MAP7D1: variants seen among roughly 807,000 people sequenced by gnomAD.
The protein encoded by MAP7D1 is MAP7 domain containing 1, also known as MAP7 domain-containing protein 1.
Under a neutral mutation model 97.5 loss-of-function variants are expected in MAP7D1, and 30 were observed. The ratio of observed to expected loss-of-function variants is 0.31; its 90% CI spans 0.23 to 0.42. The LOEUF (loss-of-function observed/expected upper bound fraction) is 0.42, where lower values mean the gene tolerates loss of function less well. MAP7D1 is among the 10% of genes least tolerant of loss of function. MAP7D1 has a pLI of 1.00. For synonymous variants in MAP7D1, 536 were observed against 477.1 expected, an observed-to-expected ratio of 1.12 and a Z score of -1.61; for missense variants, 1,184 against 1,179.5, an observed-to-expected ratio of 1.00 and a Z score of -0.06.
chr1:36,157,543 TTC>T (rs1644353648), intron 1 of MAP7D1, among the ~76,000 whole-genome samples: 1 of 152,134 alleles, frequency 6.6e-6, no homozygotes, highest in Non-Finnish European at 1.5e-5. Flanking sequence ...GGGAGGCGAT[TTC>T]TCTTTCTTCC....
At position 36,173,473 on chromosome 1, in the gene MAP7D1, A is replaced by G. The variant is rs1363269302; in HGVS notation, c.734A>G (p.Lys245Arg). 2 of 1,607,484 alleles carry G rather than the reference A, an allele frequency of 1.2e-6. No individual in the cohort carries two copies. The highest frequency in any genetic ancestry group is 2.7e-5 in the African/African-American group (2 of 74,682). The part of the protein sequence containing the change: ...GALHHSSPGH[K>R]TSGSRCSVSA... ...CTGCACCACAGCTCTCCAGGACATA[A>G]GACCAGTGAGTAGGCTGGAGGGGCT... Residue 245 changes from lysine to arginine, a missense_variant, in exon 5 of 17, where the codon AAG becomes AGG. Coordinates refer to ENST00000474796, the MANE Select transcript of MAP7D1 (RefSeq NM_001388490.1).
chr1:36,178,235 C>T, intron 9 of MAP7D1, 34 bp downstream of exon 9: 1 of 1,504,764 alleles, frequency 6.6e-7, no homozygotes, highest in South Asian at 1.3e-5. Context: ...GTGGGCCGAG[C>T]GAGAGAAGCC....
chr1:36,176,304 G>A lies in MAP7D1; in HGVS notation c.956G>A (p.Arg319His), dbSNP rs771760671. The change falls in exon 7 of 17, where the codon CGC becomes CAC. Residue 319 changes from arginine to histidine, a missense_variant. Transcript: ENST00000474796. The surrounding 1 kb of genome is among the most constrained non-coding windows in gnomAD (Gnocchi z 6.1). ...ARSRSAVTLP[R>H]NGRDQGRGCD... ...AGTCGCAGCGCGGTCACACTGCCCC[G>A]CAACGGCCGGGACCAGGGTAGGGGC... 7 of 1,568,528 alleles carry A rather than the reference G, an allele frequency of 4.5e-6. No individual in the cohort carries two copies. Among genetic ancestry groups the A allele is most frequent in the African/African-American group, 2.7e-5 (2 of 73,446 alleles).
chr1:36,166,864 G>T (rs991916842), intron 1 of MAP7D1, among the ~76,000 whole-genome samples: 1 of 152,180 alleles, frequency 6.6e-6, no homozygotes, highest in Non-Finnish European at 1.5e-5. Flanking sequence ...GAAGATAAAG[G>T]CAGAAGGATT....
intron 5 of MAP7D1, among the ~76,000 whole-genome samples, chr1:36,174,299 G>C (rs1644587196): frequency 1.3e-5 from 2 of 152,234 alleles, no homozygotes; most frequent in African/African-American, 4.8e-5. Context: ...GCTTCGATCT[G>C]TTTGTGGCTT....
At position 36,159,928 on chromosome 1, in the gene MAP7D1, T is replaced by TA. The variant is rs1455116862; in HGVS notation, c.46+3467dup. Among the ~76,000 whole-genome samples, 1 of 152,152 alleles carries TA rather than the reference T, an allele frequency of 6.6e-6. No individual in the cohort carries two copies. The highest frequency in any genetic ancestry group is 1.5e-5 in the Non-Finnish European group (1 of 68,016). On this transcript the variant is annotated intron_variant, in intron 1 of 16. Transcript: ENST00000474796. The surrounding 1 kb of genome is among the most constrained non-coding windows in gnomAD (Gnocchi z 5.4). ...CTGGTGGGCCCAATAATGAGGCCTC[T>TA]AATGAGCCCCTAATGTGCAGTCACG...
At chr1:36,158,703 A>T (rs1337612252) in intron 1 of MAP7D1, among the ~76,000 whole-genome samples, 2 of 152,202 alleles carry the variant, frequency 1.3e-5, no homozygotes, top group Non-Finnish European at 2.9e-5. Context: ...CCTGCAATAA[A>T]GTGTTATTAC....
chr1:36,176,473 C>T lies in MAP7D1; in HGVS notation c.1125C>T (p.Val375=). The change falls in exon 7 of 17, where the codon GTC becomes GTT. Residue 375 remains valine, a synonymous_variant. Coordinates refer to ENST00000474796, the MANE Select transcript of MAP7D1 (RefSeq NM_001388490.1). This position sits in a 1 kb window ranked among gnomAD's most constrained non-coding sequence, Gnocchi z 6.1. ...CCAGCCCCCTGACGCCGTGCAGCGTCACCCGAAGCGTGCACCGCTGCGCCC... is the reference window on the plus strand; with the variant it reads ...CCAGCCCCCTGACGCCGTGCAGCGTTACCCGAAGCGTGCACCGCTGCGCCC... The part of the protein sequence containing the change: ...ASASPLTPCS[V]TRSVHRCAPA... 1 of 1,470,528 alleles carries T rather than the reference C, an allele frequency of 6.8e-7. No homozygotes were observed. Among genetic ancestry groups the T allele is most frequent in the Non-Finnish European group, 9.0e-7 (1 of 1,115,882 alleles). The allele number at this position is 1,470,528 out of a possible 1,614,324, so 91.1% of individuals were successfully genotyped here.
At position 36,174,974 on chromosome 1, in the gene MAP7D1, G is replaced by A; in HGVS notation, c.816G>A (p.Lys272=). ...CTATAATCAACAAGCGGCTCTCAAA[G>A]TCCTCTGCCACGCTCTGGAACTCCC... is the stretch of plus-strand genomic sequence containing the variant. ...VDSIINKRLS[K]SSATLWNSPS... Residue 272 remains lysine, a synonymous_variant, in exon 6 of 17, where the codon AAG becomes AAA. Coordinates refer to ENST00000474796, the MANE Select transcript of MAP7D1 (RefSeq NM_001388490.1). 2 of 1,613,956 alleles carry A rather than the reference G, an allele frequency of 1.2e-6. No individual in the cohort carries two copies. Among genetic ancestry groups the A allele is most frequent in the Non-Finnish European group, 1.7e-6 (2 of 1,179,948 alleles).
intron 1 of MAP7D1, among the ~76,000 whole-genome samples, chr1:36,165,769 C>T (rs1237763484): frequency 7.5e-6 from 1 of 132,646 alleles, no homozygotes; most frequent in Non-Finnish European, 1.5e-5. Context: ...CTCACTCTGT[C>T]ATCCAGGCTG....
chr1:36,176,070 G>A lies in MAP7D1; in HGVS notation c.851-129G>A, dbSNP rs1644614503. On this transcript the variant is annotated intron_variant, in intron 6 of 16. Coordinates refer to ENST00000474796, the MANE Select transcript of MAP7D1 (RefSeq NM_001388490.1). This position sits in a 1 kb window ranked among gnomAD's most constrained non-coding sequence, Gnocchi z 6.1. ...GGACAAGTGTGGCCCCGGTGTGATT[G>A]TGGGGAGAGGACTCCCGGGTGAGAA... 1.0e-6 allele frequency: 1 copy of A among 986,066 alleles called. No homozygotes were observed. Among genetic ancestry groups the A allele is most frequent in the East Asian group, 2.9e-5 (1 of 34,054 alleles). The allele number at this position is 986,066 out of a possible 1,614,324, so 61.1% of individuals were successfully genotyped here. A position where few individuals can be genotyped will look rare whatever the true frequency, so the allele number is the denominator to read the frequency against.
In MAP7D1 at chr1:36,173,493, G is replaced by A. The variant is rs1175473342; in HGVS notation, c.739+15G>A. The A allele has an allele frequency of 5.7e-6, 9 of 1,575,366 alleles. No individual in the cohort carries two copies. The highest frequency in any genetic ancestry group is 7.8e-6 in the Non-Finnish European group (9 of 1,157,278). ...ACATAAGACCAGTGAGTAGGCTGGA[G>A]GGGCTGGGGAGTGGGTGGGCAAGGC... On this transcript the variant is annotated intron_variant, in intron 5 of 16. Coordinates refer to ENST00000474796, the MANE Select transcript of MAP7D1 (RefSeq NM_001388490.1).
At position 36,159,035 on chromosome 1, in the gene MAP7D1, G is replaced by GTTAGTTAT. The variant is rs1553183190; in HGVS notation, c.46+2575_46+2576insGTTATTTA. Among the ~76,000 whole-genome samples, 2 of 145,902 alleles carry GTTAGTTAT rather than the reference G, an allele frequency of 1.4e-5. No individual in the cohort carries two copies. The highest frequency in any genetic ancestry group is 5.0e-5 in the African/African-American group (2 of 39,690). On this transcript the variant is annotated intron_variant, in intron 1 of 16. Transcript: ENST00000474796. This position sits in a 1 kb window ranked among gnomAD's most constrained non-coding sequence, Gnocchi z 5.4. ...AGTGCCCAATAAGTGCTAGCCATTTGTTATTTATTTATTTATTTATTTATT... is the reference window on the plus strand; with the variant it reads ...AGTGCCCAATAAGTGCTAGCCATTTGTTAGTTATTTATTTATTTATTTATTTATTTATT...
chr1:36,158,540 A>G (rs1381189389), intron 1 of MAP7D1, among the ~76,000 whole-genome samples: 1 of 152,208 alleles, frequency 6.6e-6, no homozygotes, highest in African/African-American at 2.4e-5. Flanking sequence ...CCAGTTAGCC[A>G]TGTACTGGCT....
At position 36,170,979 on chromosome 1, in the gene MAP7D1, G is replaced by T; in HGVS notation, c.55G>T (p.Ala19Ser). 1 of 1,419,668 alleles carries T rather than the reference G, an allele frequency of 7.0e-7. No homozygotes were observed. The highest frequency in any genetic ancestry group is 9.8e-7 in the Non-Finnish European group (1 of 1,018,772). 87.9% of individuals were successfully genotyped at this position (1,419,668 alleles called of 1,614,324 possible). A position where few individuals can be genotyped will look rare whatever the true frequency, so the allele number is the denominator to read the frequency against. ...LGAGAPPAVV[A>S]RTPPEPRPSP... ...TTGTGTTGGTCTTTCAGCTGTGGTCGCCAGGACCCCCCCAGAGCCAAGACC... is the reference window on the plus strand; with the variant it reads ...TTGTGTTGGTCTTTCAGCTGTGGTCTCCAGGACCCCCCCAGAGCCAAGACC... The change falls in exon 2 of 17, where the codon GCC becomes TCC. Residue 19 changes from alanine (A) to serine (S), a missense_variant. By Grantham distance (99) the Ala-to-Ser change is moderately conservative. Transcript: ENST00000474796.
intron 5 of MAP7D1, among the ~76,000 whole-genome samples, chr1:36,173,854 C>T (rs1025410757): frequency 2.0e-5 from 3 of 152,130 alleles, no homozygotes; most frequent in Admixed American, 2.0e-4. Flanking sequence ...GAGTTTTCTC[C>T]GCGTAGGGCC....
At position 36,172,475 on chromosome 1, in the gene MAP7D1, G is replaced by A. The variant is rs761383518; in HGVS notation, c.472G>A (p.Ala158Thr). 1 of 1,583,842 alleles carries A rather than the reference G, an allele frequency of 6.3e-7. No homozygotes were observed. Among genetic ancestry groups the A allele is most frequent in the Non-Finnish European group, 8.6e-7 (1 of 1,158,064 alleles). The change falls in exon 4 of 17, where the codon GCA (alanine) becomes ACA (threonine). Residue 158 changes from alanine to threonine, a missense_variant. Transcript: ENST00000474796. ...ERAKYLAAKK[A>T]VWLEKEEKAK... ...TCCTTTGTCCACAGCGGCCAAGAAGGCAGTGTGGCTGGAGAAGGAGGAGAA... is the reference window on the plus strand; with the variant it reads ...TCCTTTGTCCACAGCGGCCAAGAAGACAGTGTGGCTGGAGAAGGAGGAGAA...
chr1:36,178,835 G>GGGCC lies in MAP7D1; in HGVS notation c.2025+15_2025+16insCGGC, dbSNP rs759147202. On this transcript the variant is annotated intron_variant, in intron 11 of 16. Transcript: ENST00000474796. ...GGCTGCAGAAGCAGGTGCCCCCGGC[G>GGGCC]GGCGGGAAGCGGCTGGGCGCGGGCG... 11 of 1,545,222 alleles carry GGGCC rather than the reference G, an allele frequency of 7.1e-6. No homozygotes were observed. The South Asian group carries it at 1.2e-4, about 17-fold the overall frequency.
intron 11 of MAP7D1, 32 bp downstream of exon 11, chr1:36,178,855 C>T: frequency 7.8e-6 from 12 of 1,545,116 alleles, no homozygotes; most frequent in Non-Finnish European, 1.0e-5. Context: ...CGGCTGGGCG[C>T]GGGCGCCGCG....
Sources: allele counts gnomAD v4.1 joint callset (sites outside exome capture counted in the v4.1 genomes callset), GRCh38; gene constraint gnomAD v4.1.1; non-coding constraint Gnocchi (gnomAD v3.1); transcripts MANE v1.5; gene names NCBI Gene and HGNC (gene_info 2026-07-23, HGNC 2026-07-21).